PARVB: variants seen among roughly 807,000 people sequenced by gnomAD.
PARVB encodes the protein beta-parvin.
PARVB carries 46 observed loss-of-function variants against 47.0 expected under a neutral mutation model. That is an observed-to-expected ratio of 0.98 (90% CI 0.77 to 1.25). PARVB has a LOEUF of 1.25. PARVB is among the 50% of genes most tolerant of loss of function. The pLI is 0.00. For missense variants in PARVB, 473 were observed against 471.6 expected, an observed-to-expected ratio of 1.00 and a Z score of -0.03; for synonymous variants, 196 against 196.3, an observed-to-expected ratio of 1.00 and a Z score of 0.01.
chr22:44,161,092 C>T (rs187774631), intron 11 of PARVB, among the ~76,000 whole-genome samples: 12 of 152,206 alleles, frequency 7.9e-5, no homozygotes, highest in African/African-American at 2.9e-4. Flanking sequence ...GTCTCCATCT[C>T]GATTTGGGGT....
At chr22:44,083,695 G>A (rs1454669328) in intron 1 of PARVB, among the ~76,000 whole-genome samples, 1 of 152,126 alleles carries the variant, frequency 6.6e-6, no homozygotes, top group East Asian at 1.9e-4. Context: ...GACGATGAGT[G>A]TGGAAGCATG....
intron 4 of PARVB, among the ~76,000 whole-genome samples, chr22:44,119,448 CT>C: frequency 6.6e-6 from 1 of 152,360 alleles, no homozygotes; most frequent in South Asian, 2.1e-4. Context: ...CCTCTTTTGA[CT>C]TGAACTCCTT....
intron 3 of PARVB, chr22:44,107,602 T>A (rs6006648): frequency 6.6e-6 from 1 of 152,020 alleles, no homozygotes; most frequent in African/African-American, 2.4e-5. Flanking sequence ...GAGGGTTGGG[T>A]CTATCAGTCC....
intron 2 of PARVB, among the ~76,000 whole-genome samples, chr22:44,011,316 A>T (rs1054587251): frequency 6.6e-6 from 1 of 152,014 alleles, no homozygotes; most frequent in Non-Finnish European, 1.5e-5. Flanking sequence ...TACAATAGCA[A>T]AATTGGGTCC....
intron 1 of PARVB, among the ~76,000 whole-genome samples, chr22:44,052,718 G>A (rs967604152): frequency 4.6e-5 from 7 of 152,244 alleles, no homozygotes; most frequent in East Asian, 1.9e-4. Flanking sequence ...TGAGGCAGGC[G>A]GATTGCTTGA....
intron 1 of PARVB, among the ~76,000 whole-genome samples, chr22:44,057,210 C>T (rs1306012296): frequency 6.6e-6 from 1 of 151,922 alleles, no homozygotes; most frequent in Non-Finnish European, 1.5e-5. Context: ...GACTTGTGAT[C>T]ATTAGCTAAG....
intron 1 of PARVB, among the ~76,000 whole-genome samples, chr22:44,047,425 C>T (rs755468114): frequency 1.3e-5 from 2 of 152,150 alleles, no homozygotes; most frequent in African/African-American, 4.8e-5. Context: ...CTTTGGGAGG[C>T]CAAGGCAGGC....
At position 44,168,709 on chromosome 22, in the gene PARVB, C is replaced by T; in HGVS notation, c.*31C>T. On this transcript the variant is annotated 3_prime_UTR_variant, in exon 13 of 13. Transcript: ENST00000338758. Reference sequence around the variant, plus strand: ...GAGCTGTGGATGGTGGCAGGAGTGTCCCAGCAAGAAAGGCGGCATCCGTCT... The same window carrying T: ...GAGCTGTGGATGGTGGCAGGAGTGTTCCAGCAAGAAAGGCGGCATCCGTCT... The T allele has an allele frequency of 6.8e-7, 1 of 1,480,452 alleles. No individual in the cohort carries two copies. Among genetic ancestry groups the T allele is most frequent in the Non-Finnish European group, 9.4e-7 (1 of 1,058,474 alleles). The allele number at this position is 1,480,452 out of a possible 1,614,324, so 91.7% of individuals were successfully genotyped here.
chr22:44,083,520 C>T (rs1181628709), intron 1 of PARVB, among the ~76,000 whole-genome samples: 1 of 152,062 alleles, frequency 6.6e-6, no homozygotes, highest in African/African-American at 2.4e-5. Flanking sequence ...AGAGGAGGGG[C>T]CCGAACTGCA....
At position 44,095,036 on chromosome 22, in the gene PARVB, C is replaced by T. The variant is rs528632544; in HGVS notation, c.202+1019C>T. On this transcript the variant is annotated intron_variant, in intron 2 of 12. Coordinates refer to ENST00000338758, the MANE Select transcript of PARVB (RefSeq NM_013327.5). ...ATATTGGCTGGGAGTGTAGGAGCCC[C>T]GTGAGAGCCCAAGGAAAGAGGTGGC... Among the ~76,000 whole-genome samples, 251 of 146,374 alleles carry T rather than the reference C, an allele frequency of 1.7e-3. 8 individuals are homozygous for T. In the Middle Eastern group the frequency reaches 0.023, roughly 13 times the overall value.
chr22:44,115,073 A>C (rs1175025607), intron 3 of PARVB: 1 of 87,980 alleles, frequency 1.1e-5, no homozygotes, highest in African/African-American at 5.9e-5. Flanking sequence ...ACACAGATAC[A>C]TTGTTACTAA....
chr22:44,100,391 G>A (rs972808007), intron 3 of PARVB, among the ~76,000 whole-genome samples: 7 of 152,248 alleles, frequency 4.6e-5, no homozygotes, highest in Middle Eastern at 6.8e-3. Context: ...CGGCAGGAGG[G>A]GATTTTAGGA....
chr22:44,168,761 G>A lies in PARVB; in HGVS notation c.*83G>A. ...TGCCCTGTGCCTTTCCAGGGAGCCAGGCGCCATGGGCTTCTGGTCCAAGCT... is the reference window on the plus strand; with the variant it reads ...TGCCCTGTGCCTTTCCAGGGAGCCAAGCGCCATGGGCTTCTGGTCCAAGCT... On this transcript the variant is annotated 3_prime_UTR_variant, in exon 13 of 13. Transcript: ENST00000338758. 1.1e-6 allele frequency: 1 copy of A among 932,364 alleles called. No homozygotes were observed. 57.8% of individuals were successfully genotyped at this position (932,364 alleles called of 1,614,324 possible).
At chr22:44,104,257 G>C (rs1377137633) in intron 3 of PARVB, 1 of 152,242 alleles carries the variant, frequency 6.6e-6, no homozygotes, top group East Asian at 1.9e-4. Flanking sequence ...CCTGCTCTCA[G>C]ACTGCAGGTT....
chr22:44,044,070 C>A (rs1366797376), intron 1 of PARVB, among the ~76,000 whole-genome samples: 1 of 152,110 alleles, frequency 6.6e-6, no homozygotes, highest in African/African-American at 2.4e-5. Flanking sequence ...TAGGAAACCC[C>A]CAGAAATTGT....
chr22:44,053,687 C>G (rs1457911120), intron 1 of PARVB, among the ~76,000 whole-genome samples: 1 of 152,222 alleles, frequency 6.6e-6, no homozygotes, highest in Non-Finnish European at 1.5e-5. Context: ...GGCTCAGTCT[C>G]CCAAGACTCT....
rs968866662 is a variant in PARVB at position 44,089,100 on chromosome 22, C to T, written c.113-4828C>T. Reference sequence around the variant, plus strand: ...AGCGAGGAGTGCCCGTCTCCAGAGACAGTGTGCCAAGGGGCCCTCCTCCTA... The same window carrying T: ...AGCGAGGAGTGCCCGTCTCCAGAGATAGTGTGCCAAGGGGCCCTCCTCCTA... On this transcript the variant is annotated intron_variant, in intron 1 of 12. Coordinates refer to ENST00000338758, the MANE Select transcript of PARVB (RefSeq NM_013327.5). This position sits in a 1 kb window ranked among gnomAD's most constrained non-coding sequence, Gnocchi z 4.0. Among the ~76,000 whole-genome samples the T allele has an allele frequency of 1.3e-5, 2 of 152,184 alleles. No individual in the cohort carries two copies. The highest frequency in any genetic ancestry group is 2.9e-5 in the Non-Finnish European group (2 of 68,040).
chr22:44,110,769 T>C (rs539207370), intron 3 of PARVB: 20 of 152,224 alleles, frequency 1.3e-4, no homozygotes, highest in African/African-American at 4.8e-4. Context: ...CCAGCTAATT[T>C]TTGTATTTTC....
At chr22:44,074,800 C>T (rs563151613) in intron 1 of PARVB, among the ~76,000 whole-genome samples, 2 of 152,348 alleles carry the variant, frequency 1.3e-5, no homozygotes, top group African/African-American at 4.8e-5. Context: ...TGTGCCAGCA[C>T]GCAGTGCAAC....
Sources: gnomAD v4.1 joint callset for allele counts (sites outside exome capture counted in the v4.1 genomes callset) on GRCh38, gnomAD v4.1.1 for gene constraint, Gnocchi (gnomAD v3.1) non-coding constraint, MANE v1.5 for transcripts, NCBI Gene and HGNC (gene_info 2026-07-23, HGNC 2026-07-21) for gene names.